The following HUNK variants were observed in gnomAD, a reference collection of about 807,000 sequenced individuals.
HUNK encodes hormonally up-regulated Neu-associated kinase.
HUNK carries 21 observed loss-of-function variants against 61.0 expected under a neutral mutation model. The observed-to-expected ratio is 0.34, with a 90% CI of 0.24 to 0.50. HUNK has a LOEUF of 0.50. Among genes scored for constraint, HUNK ranks in the 20% least tolerant of loss-of-function variants. The pLI is 0.98. For missense variants in HUNK, 772 were observed against 945.7 expected, an observed-to-expected ratio of 0.82 and a Z score of 2.41; for synonymous variants, 371 against 386.1, an observed-to-expected ratio of 0.96 and a Z score of 0.46.
intron 5 of HUNK, among the ~76,000 whole-genome samples, chr21:31,962,427 T>C (rs1568935709): frequency 6.6e-6 from 1 of 152,196 alleles, no homozygotes; most frequent in Non-Finnish European, 1.5e-5. Flanking sequence ...TTTGTGAAAA[T>C]TAAATTTAAC....
chr21:31,994,681 TAG>T (rs1443815054), intron 9 of HUNK, among the ~76,000 whole-genome samples: 1 of 152,236 alleles, frequency 6.6e-6, no homozygotes, highest in African/African-American at 2.4e-5. Flanking sequence ...GAGTTAATTT[TAG>T]TTCAGTTCAG....
chr21:31,875,096 C>G (rs1215061925), intron 1 of HUNK, among the ~76,000 whole-genome samples: 2 of 152,118 alleles, frequency 1.3e-5, no homozygotes, highest in African/African-American at 2.4e-5. Flanking sequence ...GTCAGGGAGG[C>G]GTCAGCCGCA....
chr21:31,936,877 C>T (rs1440419368), intron 2 of HUNK, among the ~76,000 whole-genome samples: 1 of 152,052 alleles, frequency 6.6e-6, no homozygotes, highest in Non-Finnish European at 1.5e-5. Flanking sequence ...TTTACCTTGC[C>T]TCTTTAGGAT....
At position 32,000,649 on chromosome 21, in the gene HUNK, A is replaced by G; in HGVS notation, c.*1465A>G. ...GACCACCTCTGTGGCCACCTCAGAT[A>G]GTCATCTCAGTCCAAGGATCCCAAA... On this transcript the variant is annotated 3_prime_UTR_variant, in exon 11 of 11. Coordinates refer to ENST00000270112, the MANE Select transcript of HUNK (RefSeq NM_014586.2). The G allele has an allele frequency of 2.5e-6, 1 of 399,062 alleles. No homozygotes were observed. Among genetic ancestry groups the G allele is most frequent in the Non-Finnish European group, 4.4e-6 (1 of 226,098 alleles). The allele number at this position is 399,062 out of a possible 1,614,324, so 24.7% of individuals were successfully genotyped here.
chr21:31,898,957 C>T (rs979443591), intron 1 of HUNK, among the ~76,000 whole-genome samples: 8 of 152,008 alleles, frequency 5.3e-5, no homozygotes, highest in Middle Eastern at 3.2e-3. Flanking sequence ...TATGGTTTAA[C>T]GTTACAAACA....
chr21:31,996,810 C>G (rs992352937), intron 10 of HUNK, among the ~76,000 whole-genome samples: 8 of 152,182 alleles, frequency 5.3e-5, no homozygotes, highest in Non-Finnish European at 1.0e-4. Flanking sequence ...TTGAACCTGC[C>G]TCCTGTCCTT....
At chr21:31,934,181 C>T (rs569210172) in intron 2 of HUNK, among the ~76,000 whole-genome samples, 210 of 151,000 alleles carry the variant, frequency 1.4e-3, no homozygotes, top group South Asian at 4.0e-3. Context: ...TGAGGCTGGG[C>T]GCGGTGGCTC....
At chr21:31,966,058 C>G (rs997292388) in intron 5 of HUNK, among the ~76,000 whole-genome samples, 8 of 152,132 alleles carry the variant, frequency 5.3e-5, no homozygotes, top group Non-Finnish European at 8.8e-5. Flanking sequence ...TCCCCTGCCC[C>G]TCTCCTACCC....
chr21:31,951,890 C>G (rs1412659027), intron 4 of HUNK, among the ~76,000 whole-genome samples: 2 of 152,184 alleles, frequency 1.3e-5, no homozygotes, highest in Non-Finnish European at 2.9e-5. Flanking sequence ...TGTGTTGAGA[C>G]CCTCTCAAAA....
At chr21:31,922,080 A>G (rs60845625) in intron 1 of HUNK, among the ~76,000 whole-genome samples, 8,710 of 152,092 alleles carry the variant, frequency 0.057, 827 homozygotes, top group African/African-American at 0.2. Context: ...GCAATGGCAC[A>G]ATCTCTGCTC....
chr21:31,967,255 G>C lies in HUNK; in HGVS notation c.875-995G>C, dbSNP rs998867147. 7.9e-5 allele frequency among the ~76,000 whole-genome samples: 12 copies of C among 152,114 alleles called. 1 individual carries two copies. Among genetic ancestry groups the C allele is most frequent in the Admixed American group, 3.3e-4 (5 of 15,270 alleles). On this transcript the variant is annotated intron_variant, in intron 5 of 10. Coordinates refer to ENST00000270112, the MANE Select transcript of HUNK (RefSeq NM_014586.2). Reference sequence around the variant, plus strand: ...AGTCTCACCTACTTGGAAGGCTGAGGTGGGAAGGTCACCTGAGCCAGAGAG... The same window carrying C: ...AGTCTCACCTACTTGGAAGGCTGAGCTGGGAAGGTCACCTGAGCCAGAGAG...
intron 1 of HUNK, among the ~76,000 whole-genome samples, chr21:31,898,064 C>T (rs1392012784): frequency 6.6e-6 from 1 of 152,138 alleles, no homozygotes; most frequent in Non-Finnish European, 1.5e-5. Flanking sequence ...TTAAGGAAGA[C>T]CTTAGACTCT....
intron 1 of HUNK, among the ~76,000 whole-genome samples, chr21:31,887,396 TA>T (rs2052354511): frequency 6.6e-6 from 1 of 152,250 alleles, no homozygotes; most frequent in Admixed American, 6.5e-5. Context: ...GTAATTTTTT[TA>T]TAAGTTTATT....
intron 1 of HUNK, among the ~76,000 whole-genome samples, chr21:31,922,152 G>C (rs2052626739): frequency 6.6e-6 from 1 of 151,782 alleles, no homozygotes; most frequent in South Asian, 2.1e-4. Context: ...GAGTAGCTGG[G>C]ATTCCAGGCG....
At chr21:31,977,886 C>T (rs979910370) in intron 7 of HUNK, among the ~76,000 whole-genome samples, 9 of 152,094 alleles carry the variant, frequency 5.9e-5, no homozygotes, top group East Asian at 1.9e-4. Context: ...TTTGTAGAGA[C>T]GGGCTTTCGC....
At chr21:31,976,852 C>T (rs1013658553) in intron 7 of HUNK, among the ~76,000 whole-genome samples, 43 of 151,480 alleles carry the variant, frequency 2.8e-4, no homozygotes, top group African/African-American at 1.0e-3. Flanking sequence ...CTCACTGCAA[C>T]ATCTGCTTCC....
chr21:32,000,091 C>T lies in HUNK; in HGVS notation c.*907C>T, dbSNP rs1240063671. ...TTCATCCTGTTGTTTAAGGCATAGC[C>T]CTGATCCTTCTGGAAGGCATAGAAC... On this transcript the variant is annotated 3_prime_UTR_variant, in exon 11 of 11. Coordinates refer to ENST00000270112, the MANE Select transcript of HUNK (RefSeq NM_014586.2). 1 of 397,806 alleles carries T rather than the reference C, an allele frequency of 2.5e-6. No homozygotes were observed. The highest frequency in any genetic ancestry group is 2.1e-5 in the African/African-American group (1 of 48,438). 24.6% of individuals were successfully genotyped at this position (397,806 alleles called of 1,614,324 possible).
At chr21:31,892,389 G>A (rs2123793966) in intron 1 of HUNK, among the ~76,000 whole-genome samples, 2 of 151,310 alleles carry the variant, frequency 1.3e-5, no homozygotes, top group South Asian at 4.2e-4. Context: ...AACATGGTGA[G>A]ACCTCTGCCT....
chr21:31,985,175 A>T (rs762214), intron 8 of HUNK, among the ~76,000 whole-genome samples: 110,715 of 152,066 alleles, frequency 0.73, 40,756 homozygotes, highest in Non-Finnish European at 0.79. Flanking sequence ...GGACAAATCA[A>T]GTCACCCACC....
Sources: allele counts gnomAD v4.1 joint callset (sites outside exome capture counted in the v4.1 genomes callset), GRCh38; gene constraint gnomAD v4.1.1; transcripts MANE v1.5; gene names NCBI Gene and HGNC (gene_info 2026-07-23, HGNC 2026-07-21).